MAFG: variants seen among roughly 807,000 people sequenced by gnomAD.
MAFG encodes transcription factor MafG.
Under a neutral mutation model 12.2 loss-of-function variants are expected in MAFG, and 3 were observed. The observed-to-expected ratio is 0.25, with a 90% CI of 0.11 to 0.64. The LOEUF is 0.64. Ranked by LOEUF, MAFG falls within the 30% of genes least tolerant of loss-of-function variation. The pLI, the probability that MAFG is intolerant of heterozygous loss-of-function variation, is 0.85. For synonymous variants in MAFG, 126 were observed against 109.1 expected, an observed-to-expected ratio of 1.15 and a Z score of -0.96; for missense variants, 153 against 235.5, an observed-to-expected ratio of 0.65 and a Z score of 2.29.
chr17:81,923,273 C>CCCT, intron 1 of MAFG, 59 bp from the exon 2 acceptor site: 2 of 984,940 alleles, frequency 2.0e-6, no homozygotes, highest in Non-Finnish European at 2.7e-6. Flanking sequence ...CCCCCCCCCC[C>CCCT]CCGCCCCCGG....
chr17:81,922,451 G>GT lies in MAFG; in HGVS notation c.*153_*154insA. ...GACGAGATCAAAGGGGCTCAGCCCG[G>GT]CGCCCCTGGGGTACAGGTTGTGCTT... On this transcript the variant is annotated 3_prime_UTR_variant, in exon 3 of 3. Transcript: ENST00000357736. 1 of 565,416 alleles carries GT rather than the reference G, an allele frequency of 1.8e-6. No homozygotes were observed. Among genetic ancestry groups the GT allele is most frequent in the Non-Finnish European group, 2.9e-6 (1 of 344,482 alleles). The allele number at this position is 565,416 out of a possible 1,614,324, so 35.0% of individuals were successfully genotyped here.
rs1223774603 is a variant in MAFG at position 81,921,338 on chromosome 17, C to CA, written c.*1266dup. On this transcript the variant is annotated 3_prime_UTR_variant, in exon 3 of 3. Coordinates refer to ENST00000357736, the MANE Select transcript of MAFG (RefSeq NM_002359.4). Reference sequence around the variant, plus strand: ...GCAGAAGCAAAAGCACAACTAAACCCAAAAAACGAACACGGGAAAACAGAC... The same window carrying CA: ...GCAGAAGCAAAAGCACAACTAAACCCAAAAAAACGAACACGGGAAAACAGAC... 2 of 152,336 alleles carry CA rather than the reference C, an allele frequency of 1.3e-5. No homozygotes were observed. The highest frequency in any genetic ancestry group is 2.4e-5 in the African/African-American group (1 of 41,452). The allele number at this position is 152,336 out of a possible 1,614,324, so 9.4% of individuals were successfully genotyped here.
rs2040890204 is a variant in MAFG at position 81,921,621 on chromosome 17, A to G, written c.*984T>C. The G allele has an allele frequency of 6.7e-6, 1 of 149,600 alleles. No homozygotes were observed. The highest frequency in any genetic ancestry group is 1.5e-5 in the Non-Finnish European group (1 of 67,576). The allele number at this position is 149,600 out of a possible 1,614,324, so 9.3% of individuals were successfully genotyped here. A position where few individuals can be genotyped will look rare whatever the true frequency, so the allele number is the denominator to read the frequency against. On this transcript the variant is annotated 3_prime_UTR_variant, in exon 3 of 3. Coordinates refer to ENST00000357736, the MANE Select transcript of MAFG (RefSeq NM_002359.4). ...TAAATAATGTCTGATAACTCTGTGT[A>G]TATAAAAACTAAACTCCAACAGCCA... is the stretch of plus-strand genomic sequence containing the variant.
chr17:81,922,130 C>T lies in MAFG; in HGVS notation c.*475G>A, dbSNP rs1029936820. 1 of 152,606 alleles carries T rather than the reference C, an allele frequency of 6.6e-6. No individual in the cohort carries two copies. The highest frequency in any genetic ancestry group is 2.4e-5 in the African/African-American group (1 of 41,446). The allele number at this position is 152,606 out of a possible 1,614,324, so 9.5% of individuals were successfully genotyped here. A position where few individuals can be genotyped will look rare whatever the true frequency, so the allele number is the denominator to read the frequency against. Reference sequence around the variant, plus strand: ...GCCCTACTCTCAGAGCAGAGCCCATCTCTTCATGCTGGGCTAAGCTGAGCT... The same window carrying T: ...GCCCTACTCTCAGAGCAGAGCCCATTTCTTCATGCTGGGCTAAGCTGAGCT... On this transcript the variant is annotated 3_prime_UTR_variant, in exon 3 of 3. Coordinates refer to ENST00000357736, the MANE Select transcript of MAFG (RefSeq NM_002359.4).
In MAFG at chr17:81,921,262, C is replaced by G. The variant is rs1300797501; in HGVS notation, c.*1343G>C. On this transcript the variant is annotated 3_prime_UTR_variant, in exon 3 of 3. Transcript: ENST00000357736. ...TGGTGGTGGGCACAGATTCCTTGAGCTCTGACGCAGCAGGCGCCACTTGGC... is the reference window on the plus strand; with the variant it reads ...TGGTGGTGGGCACAGATTCCTTGAGGTCTGACGCAGCAGGCGCCACTTGGC... The G allele has an allele frequency of 6.6e-6, 1 of 152,298 alleles. No individual in the cohort carries two copies. The highest frequency in any genetic ancestry group is 1.5e-5 in the Non-Finnish European group (1 of 68,076). The allele number at this position is 152,298 out of a possible 1,614,324, so 9.4% of individuals were successfully genotyped here.
At position 81,926,624 on chromosome 17, in the gene MAFG, C is replaced by A. The variant is rs778577090; in HGVS notation, c.-30+904G>T. ...GCCCACCGAAGCTCCTCCCCTCCCT[C>A]ACTCAGGGAACTATTTCCCAGTTTG... On this transcript the variant is annotated intron_variant, in intron 1 of 2. Coordinates refer to ENST00000357736, the MANE Select transcript of MAFG (RefSeq NM_002359.4). The surrounding 1 kb of genome is among the most constrained non-coding windows in gnomAD (Gnocchi z 4.6). Among the ~76,000 whole-genome samples the A allele has an allele frequency of 4.6e-5, 7 of 152,200 alleles. No individual in the cohort carries two copies. Among genetic ancestry groups the A allele is most frequent in the Non-Finnish European group, 8.8e-5 (6 of 68,030 alleles).
chr17:81,923,259 C>A, intron 1 of MAFG, 45 bp from the exon 2 acceptor site: 1 of 881,046 alleles, frequency 1.1e-6, no homozygotes, highest in Non-Finnish European at 1.5e-6. Context: ...CCACCCTCGC[C>A]GCACCCCCCC....
In MAFG at chr17:81,926,963, C is replaced by T. The variant is rs953148892; in HGVS notation, c.-30+565G>A. Among the ~76,000 whole-genome samples the T allele has an allele frequency of 5.3e-5, 8 of 152,180 alleles. No individual in the cohort carries two copies. Among genetic ancestry groups the T allele is most frequent in the Non-Finnish European group, 1.0e-4 (7 of 68,022 alleles). ...AGCTTGAGCACCGAGTGACCTCACG[C>T]TGATGACTCAGCAAGTCTCCCTCCG... On this transcript the variant is annotated intron_variant, in intron 1 of 2. Coordinates refer to ENST00000357736, the MANE Select transcript of MAFG (RefSeq NM_002359.4). The surrounding 1 kb of genome is among the most constrained non-coding windows in gnomAD (Gnocchi z 4.6).
At position 81,926,474 on chromosome 17, in the gene MAFG, C is replaced by G. The variant is rs1407765680; in HGVS notation, c.-30+1054G>C. Among the ~76,000 whole-genome samples the G allele has an allele frequency of 1.3e-5, 2 of 152,176 alleles. No individual in the cohort carries two copies. Among genetic ancestry groups the G allele is most frequent in the East Asian group, 3.9e-4 (2 of 5,194 alleles). ...AGAGCTGCCCCTGCTTCCTCCCTGC[C>G]CAGCCCACTGTCACCCAGGGCTTGG... On this transcript the variant is annotated intron_variant, in intron 1 of 2. Coordinates refer to ENST00000357736, the MANE Select transcript of MAFG (RefSeq NM_002359.4). The surrounding 1 kb of genome is among the most constrained non-coding windows in gnomAD (Gnocchi z 4.6).
At position 81,921,534 on chromosome 17, in the gene MAFG, G is replaced by A. The variant is rs1222536329; in HGVS notation, c.*1071C>T. On this transcript the variant is annotated 3_prime_UTR_variant, in exon 3 of 3. Coordinates refer to ENST00000357736, the MANE Select transcript of MAFG (RefSeq NM_002359.4). ...ATTGCAAAAGATATCAAAGAGGACGGCCTTCTGGTCGGCTCACGGCTTGGC... is the reference window on the plus strand; with the variant it reads ...ATTGCAAAAGATATCAAAGAGGACGACCTTCTGGTCGGCTCACGGCTTGGC... The A allele has an allele frequency of 6.6e-6, 1 of 151,274 alleles. No individual in the cohort carries two copies. Among genetic ancestry groups the A allele is most frequent in the Non-Finnish European group, 1.5e-5 (1 of 67,948 alleles). The allele number at this position is 151,274 out of a possible 1,614,324, so 9.4% of individuals were successfully genotyped here.
rs764009014 is a variant in MAFG at position 81,923,136 on chromosome 17, C to G, written c.36+14G>C. 98 of 1,611,876 alleles carry G rather than the reference C, an allele frequency of 6.1e-5. No homozygotes were observed. Among genetic ancestry groups the G allele is most frequent in the East Asian group, 2.0e-4 (9 of 44,876 alleles). ...CCGACCCCAGCCCACAGGCTCCTGT[C>G]CCTGCCCACTCACCTTCAAGGCCTT... On this transcript the variant is annotated intron_variant, in intron 2 of 2. Transcript: ENST00000357736.
chr17:81,931,030 C>T (rs772263793), upstream of MAFG, among the ~76,000 whole-genome samples: 3 of 152,198 alleles, frequency 2.0e-5, no homozygotes, highest in Non-Finnish European at 4.4e-5. Flanking sequence ...GGGTGTCCAC[C>T]TCCCCACAGC....
Position 81,926,761 on chromosome 17 carries a change from C to G in MAFG, c.-30+767G>C, listed in dbSNP as rs2040943000. Among the ~76,000 whole-genome samples the G allele has an allele frequency of 6.6e-6, 1 of 152,054 alleles. No homozygotes were observed. On this transcript the variant is annotated intron_variant, in intron 1 of 2. Transcript: ENST00000357736. This position sits in a 1 kb window ranked among gnomAD's most constrained non-coding sequence, Gnocchi z 4.6. ...ACCCCGGGAGAACACCTGCAGCGAG[C>G]CACCCCCACTTCCTCTTCAAGCACC...
At position 81,918,433 on chromosome 17, in the gene MAFG, AAGGCCACTGCCCTGCAAGAGGTC is replaced by A. The variant is rs1284370284; in HGVS notation, c.*4149_*4171del. 1.5e-5 allele frequency: 3 copies of A among 203,862 alleles called. No individual in the cohort carries two copies. The highest frequency in any genetic ancestry group is 2.2e-4 in the East Asian group (2 of 9,104). 12.6% of individuals were successfully genotyped at this position (203,862 alleles called of 1,614,324 possible). A position where few individuals can be genotyped will look rare whatever the true frequency, so the allele number is the denominator to read the frequency against. On this transcript the variant is annotated 3_prime_UTR_variant, in exon 3 of 3. Transcript: ENST00000357736. ...CTGCGCAGGGCAGGGGTAGGGCACC[AAGGCCACTGCCCTGCAAGAGGTC>A]AGGCCCCTGCCCGCCCTACACGAAG...
chr17:81,922,503 G>A lies in MAFG; in HGVS notation c.*102C>T. ...GCAGGGAAGAGAGAAGGGTGGGGAA[G>A]AGAGGGAGGAAAGAGAAGAGAAGGA... On this transcript the variant is annotated 3_prime_UTR_variant, in exon 3 of 3. Coordinates refer to ENST00000357736, the MANE Select transcript of MAFG (RefSeq NM_002359.4). 1.1e-6 allele frequency: 1 copy of A among 939,684 alleles called. No homozygotes were observed. Among genetic ancestry groups the A allele is most frequent in the Non-Finnish European group, 1.5e-6 (1 of 668,414 alleles). 58.2% of individuals were successfully genotyped at this position (939,684 alleles called of 1,614,324 possible).
chr17:81,927,317 G>A (rs1567916470), intron 1 of MAFG, among the ~76,000 whole-genome samples: 1 of 151,426 alleles, frequency 6.6e-6, no homozygotes, highest in Non-Finnish European at 1.5e-5. Flanking sequence ...GGGCGCCAGG[G>A]GCAGGAGGAG....
rs763502860 is a variant in MAFG at position 81,922,691 on chromosome 17, C to T, written c.403G>A (p.Ala135Thr). ...PVAPARGPLA[A>T]GLGPLVPGKV... The stretch of plus-strand genomic sequence containing the variant: ...CCTGGGACGAGGGGCCCCAGGCCGG[C>T]GGCAAGGGGGCCCCGGGCTGGCGCC... Residue 135 changes from alanine (A) to threonine (T), a missense_variant, in exon 3 of 3, where the codon GCC becomes ACC. Physicochemically the swap from Ala to Thr is moderately conservative, Grantham distance 58 (BLOSUM62 0). Transcript: ENST00000357736. The T allele has an allele frequency of 1.9e-5, 29 of 1,508,386 alleles. No individual in the cohort carries two copies. The highest frequency in any genetic ancestry group is 1.4e-4 in the African/African-American group (10 of 70,910). 93.4% of individuals were successfully genotyped at this position (1,508,386 alleles called of 1,614,324 possible).
At position 81,922,239 on chromosome 17, in the gene MAFG, C is replaced by T. The variant is rs2040897678; in HGVS notation, c.*366G>A. The T allele has an allele frequency of 6.1e-6, 1 of 164,460 alleles. No individual in the cohort carries two copies. Among genetic ancestry groups the T allele is most frequent in the Admixed American group, 6.4e-5 (1 of 15,638 alleles). The allele number at this position is 164,460 out of a possible 1,614,324, so 10.2% of individuals were successfully genotyped here. ...GGAGTGGAGGGAACACTGGGACCCT[C>T]ACTGCTCGGGGACACGCGAGGCCCA... On this transcript the variant is annotated 3_prime_UTR_variant, in exon 3 of 3. Coordinates refer to ENST00000357736, the MANE Select transcript of MAFG (RefSeq NM_002359.4).
chr17:81,930,967 A>G (rs910067440), upstream of MAFG, among the ~76,000 whole-genome samples: 166 of 152,284 alleles, frequency 1.1e-3, 2 homozygotes, highest in East Asian at 1.9e-4. The surrounding 1 kb of genome is among the most constrained non-coding windows in gnomAD (Gnocchi z 4.1). Context: ...TGAGGCCCAC[A>G]TAAAACATGT....
Sources: gnomAD v4.1 joint callset for allele counts (sites outside exome capture counted in the v4.1 genomes callset) on GRCh38, gnomAD v4.1.1 for gene constraint, Gnocchi (gnomAD v3.1) non-coding constraint, MANE v1.5 for transcripts, NCBI Gene and HGNC (gene_info 2026-07-23, HGNC 2026-07-21) for gene names.